Variants in CCDC80 observed in about 807,000 individuals in gnomAD.
CCDC80 encodes coiled-coil domain containing 80.
Under a neutral mutation model 78.7 loss-of-function variants are expected in CCDC80, and 49 were observed. The ratio of observed to expected loss-of-function variants is 0.62; its 90% CI spans 0.50 to 0.79. CCDC80 has a LOEUF of 0.79. Among genes scored for constraint, CCDC80 ranks in the 30% least tolerant of loss-of-function variants. The probability of loss-of-function intolerance (pLI) is 0.00; values close to 1 mark genes in which losing one functional copy is unlikely to be tolerated. For synonymous variants in CCDC80, 488 were observed against 447.0 expected (o/e 1.09, Z -1.16); for missense variants, 1,205 against 1,198.6 (o/e 1.01, Z -0.08).
chr3:112,638,469 A>G lies in CCDC80; in HGVS notation c.1437T>C (p.Asn479=). The change falls in exon 2 of 8, where the codon AAT becomes AAC. Residue 479 remains asparagine, a synonymous_variant. Transcript: ENST00000206423. Reference sequence around the variant, plus strand: ...CTGGCTTGGGAGGACCTGGCACCACATTTGGGTCTCGGTGGCCATGTTCCC... The same window carrying G: ...CTGGCTTGGGAGGACCTGGCACCACGTTTGGGTCTCGGTGGCCATGTTCCC... ...DRREHGHRDP[N]VVPGPPKPAK... is the part of the protein sequence containing the mutation. 1 of 1,603,446 alleles carries G rather than the reference A, an allele frequency of 6.2e-7. No homozygotes were observed. Among genetic ancestry groups the G allele is most frequent in the Non-Finnish European group, 8.5e-7 (1 of 1,176,988 alleles).
chr3:112,623,536 G>A (rs543046966), intron 3 of CCDC80, among the ~76,000 whole-genome samples: 1 of 152,276 alleles, frequency 6.6e-6, no homozygotes, highest in Non-Finnish European at 1.5e-5. Context: ...GTCACCAGGA[G>A]TGCTTGTTAA....
Position 112,638,735 on chromosome 3 carries a change from A to T in CCDC80, c.1171T>A (p.Ser391Thr). ...FPTTQRPWTP[S>T]PSHRPPTTTE... The stretch of plus-strand genomic sequence containing the variant: ...GTTGTAGGGGGCCTGTGGGAGGGTG[A>T]GGGGGTCCAGGGCCTCTGCGTGGTG... Residue 391 changes from serine (S) to threonine (T), a missense_variant, in exon 2 of 8, where the codon TCA becomes ACA. By Grantham distance (58) the Ser-to-Thr change is moderately conservative. Transcript: ENST00000206423. The T allele has an allele frequency of 6.2e-7, 1 of 1,613,234 alleles. No homozygotes were observed. The highest frequency in any genetic ancestry group is 8.5e-7 in the Non-Finnish European group (1 of 1,179,826).
At position 112,601,925 on chromosome 3, in the gene CCDC80, G is replaced by T. The variant is rs1057481546; in HGVS notation, c.*3492C>A. On this transcript the variant is annotated 3_prime_UTR_variant, in exon 8 of 8. Coordinates refer to ENST00000206423, the MANE Select transcript of CCDC80 (RefSeq NM_199511.3). ...ATTTTTTTTATAAGATGCCAGTATG[G>T]TAATAGGTCCATTAGCAAGTAAGTA... The T allele has an allele frequency of 2.0e-5, 3 of 151,922 alleles. No homozygotes were observed. Among genetic ancestry groups the T allele is most frequent in the Admixed American group, 6.6e-5 (1 of 15,250 alleles). The allele number at this position is 151,922 out of a possible 1,614,324, so 9.4% of individuals were successfully genotyped here.
At chr3:112,623,087 T>C (rs1352594123) in intron 3 of CCDC80, among the ~76,000 whole-genome samples, 1 of 152,142 alleles carries the variant, frequency 6.6e-6, no homozygotes, top group Non-Finnish European at 1.5e-5. Flanking sequence ...CTAAGATTAT[T>C]GAGGTGAGGG....
At chr3:112,625,299 T>C (rs1399614635) in intron 3 of CCDC80, among the ~76,000 whole-genome samples, 2 of 152,210 alleles carry the variant, frequency 1.3e-5, no homozygotes, top group Non-Finnish European at 2.9e-5. Context: ...TATTTAAACA[T>C]TGTTGTTGGA....
chr3:112,611,385 A>G (rs913438639), intron 5 of CCDC80, among the ~76,000 whole-genome samples: 1 of 152,194 alleles, frequency 6.6e-6, no homozygotes, highest in African/African-American at 2.4e-5. Context: ...AGACGTTGAC[A>G]TTATCCATCA....
intron 3 of CCDC80, among the ~76,000 whole-genome samples, chr3:112,620,852 A>G (rs985354958): frequency 1.3e-5 from 2 of 152,236 alleles, no homozygotes; most frequent in Non-Finnish European, 2.9e-5. Flanking sequence ...CCCAACATAC[A>G]TTCATTCTTG....
Position 112,639,291 on chromosome 3 carries a change from G to T in CCDC80, c.615C>A (p.Ser205Arg), listed in dbSNP as rs753428476. 13 of 1,614,160 alleles carry T rather than the reference G, an allele frequency of 8.1e-6. No individual in the cohort carries two copies. The South Asian group carries it at 1.3e-4, about 16-fold the overall frequency. Residue 205 changes from serine (S) to arginine (R), a missense_variant, in exon 2 of 8, where the codon AGC becomes AGA. Transcript: ENST00000206423. ...GGGGCTGCTCCAGGATCTGGCCCTC[G>T]CTGGTGATCCTTCTCACCTTGCCTC... is the stretch of plus-strand genomic sequence containing the variant. ...EEGGKVRRIT[S>R]EGQILEQPLD... is the part of the protein sequence containing the mutation.
intron 5 of CCDC80, among the ~76,000 whole-genome samples, chr3:112,611,924 A>T (rs1249251264): frequency 6.6e-6 from 1 of 152,060 alleles, no homozygotes; most frequent in Admixed American, 6.5e-5. Context: ...TTGAGGGAAT[A>T]GTGGTTTGGG....
chr3:112,610,086 A>G lies in CCDC80; in HGVS notation c.2322-5T>C, dbSNP rs1446016420. 10 of 1,576,442 alleles carry G rather than the reference A, an allele frequency of 6.3e-6. No homozygotes were observed. Among genetic ancestry groups the G allele is most frequent in the South Asian group, 3.5e-5 (3 of 85,110 alleles). ...AACCTCCTCCTCCACCGGAACCTGG[A>G]AAAAAAAAGCAGGACACCATTACTG... On this transcript the variant is annotated splice_region_variant and splice_polypyrimidine_tract_variant and intron_variant, in intron 5 of 7. Transcript: ENST00000206423.
chr3:112,634,033 C>A (rs1415092656), intron 2 of CCDC80, among the ~76,000 whole-genome samples: 1 of 152,066 alleles, frequency 6.6e-6, no homozygotes, highest in African/African-American at 2.4e-5. Flanking sequence ...GATAAGGAAG[C>A]CTGTTTGCAT....
intron 2 of CCDC80, among the ~76,000 whole-genome samples, chr3:112,637,772 C>A (rs1447133576): frequency 6.6e-6 from 1 of 152,138 alleles, no homozygotes; most frequent in Admixed American, 6.5e-5. Context: ...CTCTCCTGGG[C>A]TCATGTGTAG....
In CCDC80 at chr3:112,630,113, C is replaced by T; in HGVS notation, c.2035G>A (p.Asp679Asn). Residue 679 changes from aspartate (D) to asparagine (N), a missense_variant and splice_region_variant, in exon 3 of 8, where the codon GAT (aspartate) becomes AAT (asparagine). Asp to Asn is a conservative substitution (Grantham distance 23). Coordinates refer to ENST00000206423, the MANE Select transcript of CCDC80 (RefSeq NM_199511.3). The stretch of plus-strand genomic sequence containing the variant: ...ATATAATTAAAATGTTTAAGAGAAC[C>T]TAGCTGAAAGTGGTCGATTTTCATG... ...STMKIDHFQL[D>N]NEKPMRVVDD... is the part of the protein sequence containing the mutation. 1 of 1,613,360 alleles carries T rather than the reference C, an allele frequency of 6.2e-7. No homozygotes were observed. The highest frequency in any genetic ancestry group is 8.5e-7 in the Non-Finnish European group (1 of 1,179,542).
At position 112,639,454 on chromosome 3, in the gene CCDC80, A is replaced by G. The variant is rs1244294992; in HGVS notation, c.452T>C (p.Val151Ala). ...ILASFAGKNR[V>A]WVISAPHASE... ...GGCATGAGGGGCTGAGATGACCCAT[A>G]CTCTGTTCTTCCCTGCAAAGCTGGC... The change falls in exon 2 of 8, where the codon GTA (valine) becomes GCA (alanine). Residue 151 changes from valine to alanine, a missense_variant. By Grantham distance (64) the Val-to-Ala change is moderately conservative. Transcript: ENST00000206423. The G allele has an allele frequency of 1.9e-6, 3 of 1,613,626 alleles. No homozygotes were observed. Among genetic ancestry groups the G allele is most frequent in the Admixed American group, 1.7e-5 (1 of 59,974 alleles).
intron 3 of CCDC80, among the ~76,000 whole-genome samples, chr3:112,620,089 A>G (rs909385238): frequency 2.6e-5 from 4 of 152,248 alleles, no homozygotes; most frequent in Non-Finnish European, 5.9e-5. Context: ...CTAACACTGT[A>G]CTACAATACT....
intron 2 of CCDC80, among the ~76,000 whole-genome samples, chr3:112,637,054 C>T (rs971091739): frequency 2.6e-5 from 4 of 152,092 alleles, no homozygotes; most frequent in East Asian, 1.9e-4. Flanking sequence ...CACTCCTGCC[C>T]GAAGCCCTCA....
intron 3 of CCDC80, among the ~76,000 whole-genome samples, chr3:112,629,058 G>A (rs570488666): frequency 3.9e-5 from 6 of 152,140 alleles, no homozygotes; most frequent in East Asian, 3.9e-4. Flanking sequence ...TGACATTATC[G>A]TGACATAATA....
At chr3:112,627,203 G>T (rs989414051) in intron 3 of CCDC80, among the ~76,000 whole-genome samples, 4 of 152,068 alleles carry the variant, frequency 2.6e-5, no homozygotes, top group Non-Finnish European at 5.9e-5. Context: ...AAATTTGTCT[G>T]TAATCCATTC....
intron 3 of CCDC80, among the ~76,000 whole-genome samples, chr3:112,622,821 A>AATTTTTTTTTTT (rs1935893266): frequency 8.4e-6 from 1 of 118,796 alleles, no homozygotes; most frequent in Non-Finnish European, 1.7e-5. Context: ...ATGCCCAGCT[A>AATTTTTTTTTTT]ATTTTTTTTT....
Sources: gnomAD v4.1 joint callset for allele counts (sites outside exome capture counted in the v4.1 genomes callset) on GRCh38, gnomAD v4.1.1 for gene constraint, MANE v1.5 for transcripts, NCBI Gene and HGNC (gene_info 2026-07-23, HGNC 2026-07-21) for gene names.